KDM3B: variants seen among roughly 807,000 people sequenced by gnomAD.
KDM3B encodes the protein lysine demethylase 3B.
Under a neutral mutation model 170.0 loss-of-function variants are expected in KDM3B, and 10 were observed. That is an observed-to-expected ratio of 0.06 (90% CI 0.04 to 0.10). The LOEUF (loss-of-function observed/expected upper bound fraction) is 0.10. KDM3B is among the 10% of genes least tolerant of loss of function. The probability of loss-of-function intolerance (pLI) is 1.00; values close to 1 mark genes in which losing one functional copy is unlikely to be tolerated. For missense variants in KDM3B, 1,394 were observed against 2,195.2 expected (o/e 0.64, Z 7.29); for synonymous variants, 831 against 834.8 (o/e 1.00, Z 0.08).
At chr5:138,381,645 G>C in intron 6 of KDM3B, 55 bp downstream of exon 6, 1 of 1,081,974 alleles carries the variant, frequency 9.2e-7, no homozygotes, top group Non-Finnish European at 1.4e-6. Context: ...TTATCTTGCT[G>C]TGTGTAGATC....
chr5:138,401,873 C>T (rs1445835742), intron 11 of KDM3B, among the ~76,000 whole-genome samples: 1 of 151,916 alleles, frequency 6.6e-6, no homozygotes, highest in Admixed American at 6.6e-5. Context: ...TGGTGACTAA[C>T]GATGTTGAGT....
In KDM3B at chr5:138,387,321, G is replaced by C. The variant is rs183775447; in HGVS notation, c.1380+700G>C. 2.2e-4 allele frequency among the ~76,000 whole-genome samples: 33 copies of C among 151,966 alleles called. No homozygotes were observed. The East Asian group carries it at 5.6e-3, about 26-fold the overall frequency. ...AATATATTCTTTTTGACTAATTTTG[G>C]TCACCAAAATATGATTTATGGTGCT... On this transcript the variant is annotated intron_variant, in intron 7 of 23. Coordinates refer to ENST00000314358, the MANE Select transcript of KDM3B (RefSeq NM_016604.4).
chr5:138,399,762 T>C, intron 10 of KDM3B, 98 bp from the exon 11 acceptor site: 1 of 1,081,202 alleles, frequency 9.2e-7, no homozygotes, highest in East Asian at 2.5e-5. Context: ...TTGAGTTTTA[T>C]TGCTGAACAA....
intron 14 of KDM3B, 62 bp from the exon 15 acceptor site, chr5:138,420,644 G>A: frequency 6.4e-7 from 1 of 1,561,484 alleles, no homozygotes; most frequent in East Asian, 2.2e-5. Flanking sequence ...ATTTTTAGGA[G>A]TCAGTTGTGT....
At chr5:138,410,046 C>T (rs999783489) in intron 11 of KDM3B, among the ~76,000 whole-genome samples, 1 of 151,912 alleles carries the variant, frequency 6.6e-6, no homozygotes, top group Non-Finnish European at 1.5e-5. Flanking sequence ...GAGATCGTGC[C>T]ATTGCACTCT....
intron 1 of KDM3B, among the ~76,000 whole-genome samples, chr5:138,360,666 G>A (rs1761584298): frequency 6.6e-6 from 1 of 150,928 alleles, no homozygotes; most frequent in Admixed American, 6.6e-5. Flanking sequence ...CCACCTCCCG[G>A]GTTCAAGTGA....
At chr5:138,408,889 G>C (rs957966212) in intron 11 of KDM3B, among the ~76,000 whole-genome samples, 1 of 152,122 alleles carries the variant, frequency 6.6e-6, no homozygotes, top group African/African-American at 2.4e-5. Flanking sequence ...TTGGGAGGGA[G>C]AATCTAAAAT....
At chr5:138,357,367 T>TG (rs34124813) in intron 1 of KDM3B, among the ~76,000 whole-genome samples, 1 of 80,450 alleles carries the variant, frequency 1.2e-5, no homozygotes, top group Non-Finnish European at 3.4e-5. Context: ...TTAAAAAACA[T>TG]TTTTTTTTTT....
chr5:138,434,287 C>T (rs1010775738), intron 23 of KDM3B, among the ~76,000 whole-genome samples: 10 of 152,092 alleles, frequency 6.6e-5, no homozygotes, highest in Non-Finnish European at 1.0e-4. Context: ...CGGTGGCTCA[C>T]GCCTGTAATC....
At chr5:138,419,452 A>G (rs1419757141) in intron 14 of KDM3B, among the ~76,000 whole-genome samples, 2 of 151,926 alleles carry the variant, frequency 1.3e-5, no homozygotes, top group Non-Finnish European at 2.9e-5. Flanking sequence ...CAGGAGATCA[A>G]GACCATCCTG....
chr5:138,422,005 G>A (rs1012741766), intron 15 of KDM3B, among the ~76,000 whole-genome samples: 29 of 152,128 alleles, frequency 1.9e-4, no homozygotes, highest in African/African-American at 6.8e-4. Flanking sequence ...CTTTGCACTT[G>A]TTATTTCCTC....
chr5:138,367,478 T>TA (rs1761772557), intron 1 of KDM3B, among the ~76,000 whole-genome samples: 1 of 152,190 alleles, frequency 6.6e-6, no homozygotes, highest in Admixed American at 6.5e-5. Context: ...ATTTTATTTT[T>TA]AAAAAACTTA....
At chr5:138,370,095 C>T (rs1761836465) in intron 1 of KDM3B, among the ~76,000 whole-genome samples, 1 of 152,124 alleles carries the variant, frequency 6.6e-6, no homozygotes, top group Non-Finnish European at 1.5e-5. Context: ...TACTTGAAGG[C>T]AGGGGCTATG....
At chr5:138,392,406 C>A in intron 8 of KDM3B, 145 bp downstream of exon 8, 1 of 827,962 alleles carries the variant, frequency 1.2e-6, no homozygotes, top group Non-Finnish European at 1.7e-6. Context: ...TGGCAGAGGC[C>A]CCTCGTCAGG....
At chr5:138,426,258 G>T (rs1561795525) in intron 17 of KDM3B, among the ~76,000 whole-genome samples, 1 of 152,208 alleles carries the variant, frequency 6.6e-6, no homozygotes, top group East Asian at 1.9e-4. Context: ...CATTATGGGG[G>T]TTTACAAGTC....
Position 138,435,884 on chromosome 5 carries a change from G to C in KDM3B, c.*184G>C. 1.7e-6 allele frequency: 1 copy of C among 593,120 alleles called. No individual in the cohort carries two copies. The highest frequency in any genetic ancestry group is 3.0e-6 in the Non-Finnish European group (1 of 331,948). 36.7% of individuals were successfully genotyped at this position (593,120 alleles called of 1,614,324 possible). A position where few individuals can be genotyped will look rare whatever the true frequency, so the allele number is the denominator to read the frequency against. ...CACTGAAGGTTGACACAGGAAAGTC[G>C]TACTGTTCACACACACAGTTTGAGA... On this transcript the variant is annotated 3_prime_UTR_variant, in exon 24 of 24. Transcript: ENST00000314358.
chr5:138,391,942 C>T lies in KDM3B; in HGVS notation c.2310C>T (p.Gly770=). 2 of 1,612,412 alleles carry T rather than the reference C, an allele frequency of 1.2e-6. No homozygotes were observed. The highest frequency in any genetic ancestry group is 1.7e-6 in the Non-Finnish European group (2 of 1,178,574). The part of the protein sequence containing the change: ...PLLKTFSNVF[G]RHSGGFLSSP... ...TCAAAACCTTTAGTAACGTCTTTGGCAGGCACTCAGGCGGCTTTCTGTCCT... is the reference window on the plus strand; with the variant it reads ...TCAAAACCTTTAGTAACGTCTTTGGTAGGCACTCAGGCGGCTTTCTGTCCT... Residue 770 remains glycine, a synonymous_variant, in exon 8 of 24, where the codon GGC becomes GGT. Transcript: ENST00000314358. This position sits in a 1 kb window ranked among gnomAD's most constrained non-coding sequence, Gnocchi z 5.0.
chr5:138,352,745 G>C lies in KDM3B; in HGVS notation c.-51G>C, dbSNP rs1478209983. ...GCGGGCGGATCGGGCGCTTGGCGGC[G>C]GAGGTGGTGGGAGGCGGCGGGCGGG... On this transcript the variant is annotated 5_prime_UTR_variant, in exon 1 of 24. Coordinates refer to ENST00000314358, the MANE Select transcript of KDM3B (RefSeq NM_016604.4). 8.4e-7 allele frequency: 1 copy of C among 1,189,838 alleles called. No homozygotes were observed. Among genetic ancestry groups the C allele is most frequent in the African/African-American group, 1.6e-5 (1 of 62,154 alleles). 73.7% of individuals were successfully genotyped at this position (1,189,838 alleles called of 1,614,324 possible). A position where few individuals can be genotyped will look rare whatever the true frequency, so the allele number is the denominator to read the frequency against.
Position 138,429,741 on chromosome 5 carries a change from CAATT to C in KDM3B, c.4754-84_4754-81del, listed in dbSNP as rs1561797898. On this transcript the variant is annotated intron_variant, in intron 20 of 23. Transcript: ENST00000314358. Reference sequence around the variant, plus strand: ...TCCAGAGATGGAGAAGAGTAAAACTCAATTTATTTAAATTGGACATTTCATTTCA... The same window carrying C: ...TCCAGAGATGGAGAAGAGTAAAACTCTATTTAAATTGGACATTTCATTTCA... The C allele has an allele frequency of 1.0e-5, 15 of 1,453,776 alleles. No individual in the cohort carries two copies. In the East Asian group the frequency reaches 1.7e-4, roughly 17 times the overall value. 90.1% of individuals were successfully genotyped at this position (1,453,776 alleles called of 1,614,324 possible).
Sources: allele counts gnomAD v4.1 joint callset (sites outside exome capture counted in the v4.1 genomes callset), GRCh38; gene constraint gnomAD v4.1.1; non-coding constraint Gnocchi (gnomAD v3.1); transcripts MANE v1.5; gene names NCBI Gene and HGNC (gene_info 2026-07-23, HGNC 2026-07-21).